TNS1: variants seen among roughly 807,000 people sequenced by gnomAD.
TNS1 encodes the protein tensin-1.
In TNS1, 62 loss-of-function variants were observed where a neutral mutation model predicts 168.6. The observed-to-expected ratio is 0.37, with a 90% confidence interval of 0.30 to 0.45. TNS1 has a LOEUF of 0.45. TNS1 is among the 20% of genes least tolerant of loss of function. The pLI, the probability that TNS1 is intolerant of heterozygous loss-of-function variation, is 1.00. For synonymous variants in TNS1, 934 were observed against 933.2 expected, an observed-to-expected ratio of 1.00 and a Z score of -0.02; for missense variants, 2,240 against 2,339.4, an observed-to-expected ratio of 0.96 and a Z score of 0.88.
In TNS1 at chr2:217,848,113, C is replaced by T; in HGVS notation, c.2404G>A (p.Ala802Thr). Residue 802 changes from alanine to threonine, a missense_variant, in exon 19 of 33, where the codon GCC (alanine) becomes ACC (threonine). By Grantham distance (58) the Ala-to-Thr change is moderately conservative. Coordinates refer to ENST00000682258, the MANE Select transcript of TNS1 (RefSeq NM_001387777.1). ...AATGGCTGAGGGCTGGGCCTGCTGG[C>T]TACAAGACTCTCCAAGTGGGCTCTT... ...QERAHLESLV[A>T]SRPSPQPLAE... is the part of the protein sequence containing the mutation. 6.3e-7 allele frequency: 1 copy of T among 1,581,580 alleles called. No homozygotes were observed. The highest frequency in any genetic ancestry group is 8.6e-7 in the Non-Finnish European group (1 of 1,164,684).
intron 3 of TNS1, among the ~76,000 whole-genome samples, chr2:217,954,719 C>G (rs939642190): frequency 1.3e-5 from 2 of 152,166 alleles, no homozygotes; most frequent in African/African-American, 4.8e-5. Flanking sequence ...CCTTCCTGCC[C>G]TGCCTGCACA....
At chr2:218,008,130 C>T (rs980963546) in intron 1 of TNS1, among the ~76,000 whole-genome samples, 1 of 152,198 alleles carries the variant, frequency 6.6e-6, no homozygotes, top group East Asian at 1.9e-4. Flanking sequence ...CCTTCCCCTA[C>T]CGCCCCTTCC....
At position 217,982,876 on chromosome 2, in the gene TNS1, G is replaced by A. The variant is rs192964734; in HGVS notation, c.149-4074C>T. The stretch of plus-strand genomic sequence containing the variant: ...TGCTGCTTGGTGCCTGCAAACTCTC[G>A]CTTTAACTCCTTCCTCACTTCCCTT... On this transcript the variant is annotated intron_variant, in intron 2 of 32. Coordinates refer to ENST00000682258, the MANE Select transcript of TNS1 (RefSeq NM_001387777.1). Among the ~76,000 whole-genome samples the A allele has an allele frequency of 9.1e-4, 139 of 152,190 alleles. 1 individual carries two copies. The highest frequency in any genetic ancestry group is 3.3e-3 in the African/African-American group (136 of 41,502).
intron 22 of TNS1, among the ~76,000 whole-genome samples, chr2:217,823,126 C>G (rs557660472): frequency 2.6e-5 from 4 of 152,362 alleles, no homozygotes; most frequent in Admixed American, 6.5e-5. Context: ...GCCCCCTCCT[C>G]CAGGTCTCCT....
rs988429451 is a variant in TNS1, at chr2:217,977,162, G to A, written c.186+1603C>T. Among the ~76,000 whole-genome samples the A allele has an allele frequency of 2.0e-5, 3 of 152,196 alleles. No homozygotes were observed. The South Asian group carries it at 6.2e-4, about 31-fold the overall frequency. Reference sequence around the variant, plus strand: ...AGGTTGCAGGAAGGGCAGTACGAAGGGGTAGACTGGGGAGGAGCAAGAAAA... The same window carrying A: ...AGGTTGCAGGAAGGGCAGTACGAAGAGGTAGACTGGGGAGGAGCAAGAAAA... On this transcript the variant is annotated intron_variant, in intron 3 of 32. Transcript: ENST00000682258.
At chr2:218,015,504 C>T (rs1402331929) in intron 1 of TNS1, among the ~76,000 whole-genome samples, 1 of 152,190 alleles carries the variant, frequency 6.6e-6, no homozygotes, top group Non-Finnish European at 1.5e-5. Context: ...TACCTAACCT[C>T]CATCCCCCCT....
At chr2:217,918,402 ACAGC>A (rs1955343322) in intron 4 of TNS1, among the ~76,000 whole-genome samples, 2 of 152,218 alleles carry the variant, frequency 1.3e-5, no homozygotes, top group African/African-American at 4.8e-5. Flanking sequence ...GTCTGGTGAC[ACAGC>A]CATTTCACCA....
At chr2:217,828,264 TG>T (rs1328272911) in intron 22 of TNS1, among the ~76,000 whole-genome samples, 1 of 152,208 alleles carries the variant, frequency 6.6e-6, no homozygotes, top group African/African-American at 2.4e-5. Flanking sequence ...AGCCTGATGT[TG>T]TTGCCCAAAC....
At chr2:217,941,908 T>C (rs1295518207) in intron 3 of TNS1, among the ~76,000 whole-genome samples, 1 of 152,142 alleles carries the variant, frequency 6.6e-6, no homozygotes, top group Non-Finnish European at 1.5e-5. Flanking sequence ...TGCTCCTATC[T>C]GGGTAGAAAC....
At chr2:217,909,571 C>CCCCACA (rs5838672) in intron 4 of TNS1, among the ~76,000 whole-genome samples, 1 of 147,194 alleles carries the variant, frequency 6.8e-6, no homozygotes, top group Non-Finnish European at 1.5e-5. Flanking sequence ...GCCTGGGTGC[C>CCCCACA]CACACACACA....
At chr2:217,978,625 A>T in intron 3 of TNS1, 140 bp downstream of exon 3, 1 of 262,632 alleles carries the variant, frequency 3.8e-6, no homozygotes. Context: ...TCCCAGGCCC[A>T]GGCGCTTTGC....
In TNS1 at chr2:217,850,619, ACACACGCACG is replaced by A. The variant is rs1433329611; in HGVS notation, c.1430-1542_1430-1533del. On this transcript the variant is annotated intron_variant, in intron 18 of 32. Transcript: ENST00000682258. ...CACACACACACACACACACACACAC[ACACACGCACG>A]CACGCACCTCCCCTTACTCTAATCC... 2.0e-5 allele frequency: 19 copies of A among 948,130 alleles called. No individual in the cohort carries two copies. In the African/African-American group the frequency reaches 3.8e-4, roughly 19 times the overall value. 58.7% of individuals were successfully genotyped at this position (948,130 alleles called of 1,614,324 possible).
Position 218,016,172 on chromosome 2 carries a change from G to A in TNS1, c.156+17648C>T, listed in dbSNP as rs543766886. On this transcript the variant is annotated intron_variant, in intron 1 of 1. Coordinates refer to the TNS1 transcript ENST00000649572. ...CACTGCAGCCCCCTCCCCTTCCTGG[G>A]AAACCAGCCCACTGGCCAGTCTGCT... Among the ~76,000 whole-genome samples the A allele has an allele frequency of 8.5e-5, 13 of 152,250 alleles. No individual in the cohort carries two copies. The South Asian group carries it at 2.7e-3, about 32-fold the overall frequency.
chr2:217,805,507 CCA>C (rs1559131990), intron 32 of TNS1, among the ~76,000 whole-genome samples: 9 of 30,698 alleles, frequency 2.9e-4, no homozygotes, highest in Admixed American at 4.9e-4. Flanking sequence ...ACACACACCA[CCA>C]CACACACCAC....
At chr2:218,006,258 A>G (rs114707961), upstream of TNS1, among the ~76,000 whole-genome samples, 1,740 of 152,260 alleles carry the variant, frequency 0.011, 28 homozygotes, top group South Asian at 0.048. Flanking sequence ...GGAATGAGCT[A>G]ATGGCCTTAG....
intron 1 of TNS1, among the ~76,000 whole-genome samples, chr2:218,022,522 G>A (rs189338393): frequency 3.9e-5 from 6 of 152,198 alleles, no homozygotes; most frequent in Non-Finnish European, 7.4e-5. Flanking sequence ...AGGCACACAC[G>A]GCCTCCTGGG....
At chr2:217,947,402 C>T (rs774367783) in intron 3 of TNS1, among the ~76,000 whole-genome samples, 8 of 152,040 alleles carry the variant, frequency 5.3e-5, no homozygotes, top group South Asian at 4.2e-4. Flanking sequence ...ATCGAGCAGG[C>T]GCCCAGTGGA....
At chr2:217,823,908 G>A (rs532791014) in intron 22 of TNS1, among the ~76,000 whole-genome samples, 7 of 152,172 alleles carry the variant, frequency 4.6e-5, no homozygotes, top group Non-Finnish European at 7.3e-5. Flanking sequence ...CCACCTCCTC[G>A]CAGAAGGCCC....
intron 2 of TNS1, among the ~76,000 whole-genome samples, chr2:217,980,465 C>T (rs567935509): frequency 1.3e-5 from 2 of 151,050 alleles, no homozygotes; most frequent in Non-Finnish European, 2.9e-5. Context: ...GTGTGGGCTC[C>T]TTCCAGGGGG....
Sources: gnomAD v4.1 joint callset for allele counts (sites outside exome capture counted in the v4.1 genomes callset) on GRCh38, gnomAD v4.1.1 for gene constraint, MANE v1.5 for transcripts, NCBI Gene and HGNC (gene_info 2026-07-23, HGNC 2026-07-21) for gene names.